PLA2G4D: variants seen among roughly 807,000 people sequenced by gnomAD.
PLA2G4D encodes cytosolic phospholipase A2 delta.
In PLA2G4D, 80 loss-of-function variants were observed where a neutral mutation model predicts 94.4. The observed-to-expected ratio is 0.85, with a 90% CI of 0.71 to 1.02. The LOEUF (loss-of-function observed/expected upper bound fraction) is 1.02. PLA2G4D is among the 50% of genes least tolerant of loss of function. PLA2G4D has a pLI of 0.00. For missense variants in PLA2G4D, 1,050 were observed against 1,034.7 expected (o/e 1.01, Z -0.20); for synonymous variants, 438 against 440.9 (o/e 0.99, Z 0.08).
Position 42,086,194 on chromosome 15 carries a change from T to TGGGGGGGGGGCGCCGCC in PLA2G4D, c.387+18_387+19insGGCGGCGCCCCCCCCCC. 1 of 1,370,444 alleles carries TGGGGGGGGGGCGCCGCC rather than the reference T, an allele frequency of 7.3e-7. No individual in the cohort carries two copies. The highest frequency in any genetic ancestry group is 9.6e-7 in the Non-Finnish European group (1 of 1,043,084). The allele number at this position is 1,370,444 out of a possible 1,614,324, so 84.9% of individuals were successfully genotyped here. A position where few individuals can be genotyped will look rare whatever the true frequency, so the allele number is the denominator to read the frequency against. ...GGAAGAAGTGGGGCCCACGGGGACTTCCCCACCCACCCACCCACCTGGGGA... is the reference window on the plus strand; with the variant it reads ...GGAAGAAGTGGGGCCCACGGGGACTTGGGGGGGGGGCGCCGCCCCCCACCCACCCACCCACCTGGGGA... On this transcript the variant is annotated intron_variant, in intron 4 of 19. Transcript: ENST00000290472.
Position 42,081,048 on chromosome 15 carries a change from A to T in PLA2G4D, c.1043T>A (p.Leu348Gln). 6.2e-7 allele frequency: 1 copy of T among 1,614,192 alleles called. No individual in the cohort carries two copies. Among genetic ancestry groups the T allele is most frequent in the Non-Finnish European group, 8.5e-7 (1 of 1,180,014 alleles). Reference sequence around the variant, plus strand: ...GTAGGTCACACAGTCTAGGAGGCCCAGCTTCTGCAAGGCCAATAGGTGGCC... The same window carrying T: ...GTAGGTCACACAGTCTAGGAGGCCCTGCTTCTGCAAGGCCAATAGGTGGCC... ...LYGHLLALQK[L>Q]GLLDCVTYFS... Residue 348 changes from leucine to glutamine, a missense_variant, in exon 12 of 20, where the codon CTG (leucine) becomes CAG (glutamine). Leu to Gln is a moderately radical substitution (Grantham distance 113, BLOSUM62 -2). Coordinates refer to ENST00000290472, the MANE Select transcript of PLA2G4D (RefSeq NM_178034.4).
rs138286415 is a variant in PLA2G4D, at chr15:42,080,077, T to G, written c.1095-318A>C. On this transcript the variant is annotated intron_variant, in intron 12 of 19. Coordinates refer to ENST00000290472, the MANE Select transcript of PLA2G4D (RefSeq NM_178034.4). ...TCATTTCAACAAGTAGTAAATACAG[T>G]TATTGATGTAATTTCTATTTTTTTC... is the stretch of plus-strand genomic sequence containing the variant. Among the ~76,000 whole-genome samples, 20 of 152,364 alleles carry G rather than the reference T, an allele frequency of 1.3e-4. No individual in the cohort carries two copies. The East Asian group carries it at 3.7e-3, about 28-fold the overall frequency.
intron 13 of PLA2G4D, 132 bp downstream of exon 13, chr15:42,079,405 G>T (rs1889988319): frequency 1.5e-5 from 13 of 857,620 alleles, no homozygotes; most frequent in Middle Eastern, 3.3e-4. Context: ...GCATTCCAAA[G>T]TGAGGCAGAC....
At position 42,081,821 on chromosome 15, in the gene PLA2G4D, C is replaced by G; in HGVS notation, c.797G>C (p.Arg266Thr). 6.2e-7 allele frequency: 1 copy of G among 1,614,220 alleles called. No individual in the cohort carries two copies. The highest frequency in any genetic ancestry group is 8.5e-7 in the Non-Finnish European group (1 of 1,180,036). The part of the protein sequence containing the change: ...DVPAPNAPGV[R>T]LQLKAEGCPE... ...CCAGCCCTCTGCCTTGAGCTGCAGCCTCACTCCTGGGGCCTGAAATCAAAG... is the reference window on the plus strand; with the variant it reads ...CCAGCCCTCTGCCTTGAGCTGCAGCGTCACTCCTGGGGCCTGAAATCAAAG... Residue 266 changes from arginine (R) to threonine (T), a missense_variant, in exon 10 of 20, where the codon AGG (arginine) becomes ACG (threonine). Transcript: ENST00000290472.
At chr15:42,090,491 T>A (rs76996351) in intron 1 of PLA2G4D, among the ~76,000 whole-genome samples, 12,346 of 152,236 alleles carry the variant, frequency 0.081, 591 homozygotes, top group Middle Eastern at 0.14. Flanking sequence ...CAGCTTCACA[T>A]CCTTCATGCC....
rs1187411165 is a variant in PLA2G4D, at chr15:42,067,516, G to A, written c.*1199C>T. The A allele has an allele frequency of 6.8e-5, 10 of 146,286 alleles. No homozygotes were observed. The highest frequency in any genetic ancestry group is 2.5e-4 in the African/African-American group (10 of 39,774). 9.1% of individuals were successfully genotyped at this position (146,286 alleles called of 1,614,324 possible). ...GATTGCACCATTGAACTTGGCCTGG[G>A]TGACAGAGTGTGATGAGATTCTGTC... On this transcript the variant is annotated 3_prime_UTR_variant, in exon 20 of 20. Coordinates refer to ENST00000290472, the MANE Select transcript of PLA2G4D (RefSeq NM_178034.4).
chr15:42,081,512 G>T lies in PLA2G4D; in HGVS notation c.924C>A (p.Ala308=). The change falls in exon 11 of 20, where the codon GCC becomes GCA. Residue 308 remains alanine, a synonymous_variant. Transcript: ENST00000290472. ...KQVVAKALKQ[A]LQLDRDLQED... ...CCTGCAGGTCTCTGTCCAGCTGCAG[G>T]GCCTGCTTCAGGGCCTTGGCCACCA... 2 of 1,614,120 alleles carry T rather than the reference G, an allele frequency of 1.2e-6. No individual in the cohort carries two copies. Among genetic ancestry groups the T allele is most frequent in the South Asian group, 2.2e-5 (2 of 91,078 alleles).
intron 13 of PLA2G4D, among the ~76,000 whole-genome samples, chr15:42,073,811 TC>T (rs1889871518): frequency 6.6e-6 from 1 of 151,934 alleles, no homozygotes; most frequent in Non-Finnish European, 1.5e-5. Context: ...CCAAGGAGGG[TC>T]CCTCTCCCAC....
Position 42,068,590 on chromosome 15 carries a change from A to G in PLA2G4D, c.*125T>C. ...GCAGTTCCCTCTGGGCAGTGAGACCAGCTACAGAGGCCACCCAGGCCTGGG... is the reference window on the plus strand; with the variant it reads ...GCAGTTCCCTCTGGGCAGTGAGACCGGCTACAGAGGCCACCCAGGCCTGGG... On this transcript the variant is annotated 3_prime_UTR_variant, in exon 20 of 20. Transcript: ENST00000290472. The G allele has an allele frequency of 1.2e-6, 1 of 840,018 alleles. No homozygotes were observed. Among genetic ancestry groups the G allele is most frequent in the Non-Finnish European group, 1.8e-6 (1 of 548,524 alleles). The allele number at this position is 840,018 out of a possible 1,614,324, so 52.0% of individuals were successfully genotyped here.
intron 1 of PLA2G4D, 141 bp from the exon 2 acceptor site, chr15:42,087,841 C>T (rs1438142950): frequency 3.8e-6 from 3 of 785,810 alleles, no homozygotes; most frequent in Non-Finnish European, 4.1e-6. Context: ...CCGGGGACAC[C>T]CTCTGGGGAC....
rs750846621 is a variant in PLA2G4D, at chr15:42,082,379, C to G, written c.683G>C (p.Ser228Thr). 2 of 1,613,746 alleles carry G rather than the reference C, an allele frequency of 1.2e-6. No homozygotes were observed. The highest frequency in any genetic ancestry group is 2.2e-5 in the South Asian group (2 of 91,068). Residue 228 changes from serine (S) to threonine (T), a missense_variant, in exon 9 of 20, where the codon AGC becomes ACC. By Grantham distance (58) the Ser-to-Thr change is moderately conservative. Transcript: ENST00000290472. ...TGAGTTGTCCCCATTCCAGCCATTG[C>G]TTCTGGAGCTCTGAAGGGAAAGCAT... ...ELSGRLRSSRSNGWNGDNSAG... is the reference protein window; with the variant it reads ...ELSGRLRSSRTNGWNGDNSAG...
At chr15:42,072,193 C>A in intron 14 of PLA2G4D, 82 bp downstream of exon 14, 3 of 1,286,900 alleles carry the variant, frequency 2.3e-6, no homozygotes, top group Middle Eastern at 2.2e-4. Flanking sequence ...GCGGAGCTTC[C>A]AGCATGAATT....
In PLA2G4D at chr15:42,085,052, G is replaced by A. The variant is rs773549490; in HGVS notation, c.471+44C>T. ...AGGCAGCTGCCCTCCCTCCCCAAGC[G>A]TCTGCTCTGGGGCCCCTCCCCTAAG... On this transcript the variant is annotated intron_variant, in intron 6 of 19. Transcript: ENST00000290472. 44 of 1,605,128 alleles carry A rather than the reference G, an allele frequency of 2.7e-5. No homozygotes were observed. The Middle Eastern group carries it at 5.0e-4, about 18-fold the overall frequency.
chr15:42,088,368 C>G (rs1350769525), intron 1 of PLA2G4D, among the ~76,000 whole-genome samples: 2 of 152,152 alleles, frequency 1.3e-5, no homozygotes, highest in East Asian at 3.9e-4. Context: ...GGAGAAGCAG[C>G]TGAGTGGGCA....
At chr15:42,079,782 C>A (rs1331258721) in intron 12 of PLA2G4D, 23 bp from the exon 13 acceptor site, 7 of 1,589,360 alleles carry the variant, frequency 4.4e-6, no homozygotes, top group Non-Finnish European at 6.0e-6. Context: ...GGGGACAGAA[C>A]AGTAGGAGCC....
At chr15:42,091,640 C>G (rs1367452548) in intron 1 of PLA2G4D, among the ~76,000 whole-genome samples, 1 of 151,872 alleles carries the variant, frequency 6.6e-6, no homozygotes, top group African/African-American at 2.4e-5. Context: ...TCGTGGAGGG[C>G]CTGACGTTAG....
intron 13 of PLA2G4D, among the ~76,000 whole-genome samples, chr15:42,074,381 A>G (rs1172144069): frequency 6.6e-6 from 1 of 152,206 alleles, no homozygotes; most frequent in Admixed American, 6.5e-5. Flanking sequence ...ACTAAAGGGA[A>G]GGAAAGTGTG....
At chr15:42,082,639 G>A (rs1324315676) in intron 8 of PLA2G4D, among the ~76,000 whole-genome samples, 1 of 152,190 alleles carries the variant, frequency 6.6e-6, no homozygotes, top group Non-Finnish European at 1.5e-5. Flanking sequence ...TAAGTGTTGT[G>A]AAGGAAATAA....
rs537170674 is a variant in PLA2G4D at position 42,087,182 on chromosome 15, C to A, written c.255+118G>T. On this transcript the variant is annotated intron_variant, in intron 3 of 19. Coordinates refer to ENST00000290472, the MANE Select transcript of PLA2G4D (RefSeq NM_178034.4). ...GCACAGACAGGCCAGGGCACAGAGA[C>A]CCCCTACTGCTGAGAGTTTCTCTGA... 7 of 1,324,896 alleles carry A rather than the reference C, an allele frequency of 5.3e-6. No individual in the cohort carries two copies. In the South Asian group the frequency reaches 6.5e-5, roughly 12 times the overall value. 82.1% of individuals were successfully genotyped at this position (1,324,896 alleles called of 1,614,324 possible). A position where few individuals can be genotyped will look rare whatever the true frequency, so the allele number is the denominator to read the frequency against.
Sources: gnomAD v4.1 joint callset for allele counts (sites outside exome capture counted in the v4.1 genomes callset) on GRCh38, gnomAD v4.1.1 for gene constraint, MANE v1.5 for transcripts, NCBI Gene and HGNC (gene_info 2026-07-23, HGNC 2026-07-21) for gene names.